Variants in MRI1 observed in about 807,000 individuals in gnomAD.
MRI1 encodes the protein methylthioribose-1-phosphate isomerase.
Under a neutral mutation model 27.3 loss-of-function variants are expected in MRI1, and 32 were observed. The observed-to-expected ratio is 1.17, with a 90% confidence interval of 0.88 to 1.57. The LOEUF is 1.57. MRI1 is among the 40% of genes most tolerant of loss of function. The probability of loss-of-function intolerance (pLI) is 0.00; values close to 1 mark genes in which losing one functional copy is unlikely to be tolerated. For synonymous variants in MRI1, 216 were observed against 227.4 expected (o/e 0.95, Z 0.45); for missense variants, 508 against 516.1 (o/e 0.98, Z 0.15).
intron 1 of MRI1, 38 bp from the exon 2 acceptor site, chr19:13,764,833 C>A (rs1974078892): frequency 7.7e-7 from 1 of 1,291,288 alleles, no homozygotes; most frequent in African/African-American, 1.6e-5. Context: ...AGTGCGCCCG[C>A]GCCTGCAGCT....
chr19:13,767,073 G>T (rs1974153804), intron 3 of MRI1, among the ~76,000 whole-genome samples: 1 of 83,454 alleles, frequency 1.2e-5, no homozygotes, highest in South Asian at 4.0e-4. Context: ...TTTTGAGACA[G>T]AGTCTTGCTC....
Position 13,772,308 on chromosome 19 carries a change from C to T in MRI1, c.*27C>T, listed in dbSNP as rs1974285826. 6.3e-7 allele frequency: 1 copy of T among 1,595,284 alleles called. No homozygotes were observed. Among genetic ancestry groups the T allele is most frequent in the African/African-American group, 1.3e-5 (1 of 74,264 alleles). ...CAACTCAGCTCTCCCTAGCCTGCCT[C>T]TCTAGGTTTTTCAATACATTTCTTG... On this transcript the variant is annotated 3_prime_UTR_variant, in exon 6 of 6. Coordinates refer to ENST00000040663, the MANE Select transcript of MRI1 (RefSeq NM_001031727.4).
rs757207210 is a variant in MRI1, at chr19:13,766,099, C to T, written c.517C>T (p.Leu173=). Residue 173 remains leucine (L), a synonymous_variant, in exon 3 of 6, where the codon CTG becomes TTG. Transcript: ENST00000040663. ...TVLTHCNTGA[L]ATAGYGTALG... ...GCTGACCCACTGTAACACTGGTGCT[C>T]TGGCCACCGCTGGCTATGGTACAGC... 2 of 1,601,898 alleles carry T rather than the reference C, an allele frequency of 1.2e-6. No individual in the cohort carries two copies. Among genetic ancestry groups the T allele is most frequent in the Admixed American group, 1.7e-5 (1 of 58,880 alleles).
rs1599559296 is a variant in MRI1, at chr19:13,772,364, C to G, written c.*83C>G. ...CTACCCAAAAGCTGACCGTCCAGCC[C>G]CTGACCACACTTGTTCCTAGTGCAG... On this transcript the variant is annotated 3_prime_UTR_variant, in exon 6 of 6. Coordinates refer to ENST00000040663, the MANE Select transcript of MRI1 (RefSeq NM_001031727.4). The G allele has an allele frequency of 1.5e-6, 2 of 1,367,706 alleles. No homozygotes were observed. Among genetic ancestry groups the G allele is most frequent in the Admixed American group, 4.3e-5 (2 of 46,392 alleles). The allele number at this position is 1,367,706 out of a possible 1,614,324, so 84.7% of individuals were successfully genotyped here.
chr19:13,766,437 T>C (rs553851197), intron 3 of MRI1, among the ~76,000 whole-genome samples: 2 of 152,256 alleles, frequency 1.3e-5, no homozygotes, highest in South Asian at 4.1e-4. Flanking sequence ...AAAAGTCTCC[T>C]TGTATCTCAG....
At chr19:13,769,953 T>C (rs765619437) in intron 5 of MRI1, among the ~76,000 whole-genome samples, 2 of 151,918 alleles carry the variant, frequency 1.3e-5, no homozygotes, top group African/African-American at 4.8e-5. Flanking sequence ...GCAAGATATT[T>C]CTACACTTAT....
rs1017157958 is a variant in MRI1 at position 13,772,900 on chromosome 19, C to T, written c.*619C>T. ...AAATGTGGATAATACTAGTACCTCCCTCTTAAGGTCAGGGCTGGAGCTAGG... is the reference window on the plus strand; with the variant it reads ...AAATGTGGATAATACTAGTACCTCCTTCTTAAGGTCAGGGCTGGAGCTAGG... On this transcript the variant is annotated 3_prime_UTR_variant, in exon 6 of 6. Coordinates refer to ENST00000040663, the MANE Select transcript of MRI1 (RefSeq NM_001031727.4). 3 of 151,876 alleles carry T rather than the reference C, an allele frequency of 2.0e-5. No individual in the cohort carries two copies. The highest frequency in any genetic ancestry group is 2.4e-5 in the African/African-American group (1 of 41,400). The allele number at this position is 151,876 out of a possible 1,614,324, so 9.4% of individuals were successfully genotyped here.
rs369117127 is a variant in MRI1, at chr19:13,765,054, G to C, written c.316G>C (p.Val106Leu). 4.6e-6 allele frequency: 7 copies of C among 1,523,272 alleles called. No homozygotes were observed. In the African/African-American group the frequency reaches 8.4e-5, roughly 18 times the overall value. 94.4% of individuals were successfully genotyped at this position (1,523,272 alleles called of 1,614,324 possible). ...CCGCGCCGCCCGCGACCTGGCTGAT[G>C]TTGCAGCCCGGGAGGCCGAACGGGA... ...MARAARDLAD[V>L]AAREAEREGA... The change falls in exon 2 of 6, where the codon GTT becomes CTT. Residue 106 changes from valine (V) to leucine (L), a missense_variant. Coordinates refer to ENST00000040663, the MANE Select transcript of MRI1 (RefSeq NM_001031727.4).
chr19:13,773,355 T>G lies in MRI1; in HGVS notation c.*1074T>G, dbSNP rs1974310932. ...TCAAAATTAATGCAAAAATCCATGATGAGGCCAGGCTTGGTGGCTCATGCC... is the reference window on the plus strand; with the variant it reads ...TCAAAATTAATGCAAAAATCCATGAGGAGGCCAGGCTTGGTGGCTCATGCC... On this transcript the variant is annotated 3_prime_UTR_variant, in exon 6 of 6. Coordinates refer to ENST00000040663, the MANE Select transcript of MRI1 (RefSeq NM_001031727.4). The G allele has an allele frequency of 6.6e-6, 1 of 151,306 alleles. No individual in the cohort carries two copies. The highest frequency in any genetic ancestry group is 1.5e-5 in the Non-Finnish European group (1 of 67,742). The allele number at this position is 151,306 out of a possible 1,614,324, so 9.4% of individuals were successfully genotyped here. A position where few individuals can be genotyped will look rare whatever the true frequency, so the allele number is the denominator to read the frequency against.
At chr19:13,771,156 G>A (rs960443502) in intron 5 of MRI1, among the ~76,000 whole-genome samples, 11 of 150,566 alleles carry the variant, frequency 7.3e-5, no homozygotes, top group South Asian at 2.1e-4. Flanking sequence ...TCAGGGGTTC[G>A]AGACCAGCCT....
At chr19:13,771,883 T>C (rs1229172161) in intron 5 of MRI1, among the ~76,000 whole-genome samples, 1 of 152,078 alleles carries the variant, frequency 6.6e-6, no homozygotes, top group East Asian at 1.9e-4. Flanking sequence ...ATAAGTGGCA[T>C]AGATGTGTAT....
chr19:13,767,914 G>C (rs1974176688), intron 3 of MRI1, among the ~76,000 whole-genome samples: 2 of 127,652 alleles, frequency 1.6e-5, no homozygotes, highest in African/African-American at 6.3e-5. Flanking sequence ...TGTTGCCCAG[G>C]CTGGAGTGCA....
At position 13,764,724 on chromosome 19, in the gene MRI1, C is replaced by G. The variant is rs1356163286; in HGVS notation, c.132+4C>G. 8.5e-7 allele frequency: 1 copy of G among 1,176,326 alleles called. No individual in the cohort carries two copies. The allele number at this position is 1,176,326 out of a possible 1,614,324, so 72.9% of individuals were successfully genotyped here. A position where few individuals can be genotyped will look rare whatever the true frequency, so the allele number is the denominator to read the frequency against. ...GGAGGCCATCCGCGCCATGAAGGTG[C>G]AGCGGGGCGGCGGGGCGGCGGGGCG... On this transcript the variant is annotated splice_donor_region_variant and intron_variant, in intron 1 of 5. Coordinates refer to ENST00000040663, the MANE Select transcript of MRI1 (RefSeq NM_001031727.4).
At position 13,773,198 on chromosome 19, in the gene MRI1, A is replaced by G. The variant is rs1162734961; in HGVS notation, c.*917A>G. 6.6e-6 allele frequency: 1 copy of G among 152,044 alleles called. No individual in the cohort carries two copies. The highest frequency in any genetic ancestry group is 1.5e-5 in the Non-Finnish European group (1 of 68,028). 9.4% of individuals were successfully genotyped at this position (152,044 alleles called of 1,614,324 possible). On this transcript the variant is annotated 3_prime_UTR_variant, in exon 6 of 6. Coordinates refer to ENST00000040663, the MANE Select transcript of MRI1 (RefSeq NM_001031727.4). Reference sequence around the variant, plus strand: ...TAATTTTTCTATTTTTAGTAGAGACATGATTTCACCATGTTGGCCAGGCTG... The same window carrying G: ...TAATTTTTCTATTTTTAGTAGAGACGTGATTTCACCATGTTGGCCAGGCTG...
chr19:13,765,477 C>T (rs981203303), intron 2 of MRI1, among the ~76,000 whole-genome samples: 1 of 152,062 alleles, frequency 6.6e-6, no homozygotes. Flanking sequence ...CCATCTTTTT[C>T]CCCCCACTTC....
intron 3 of MRI1, among the ~76,000 whole-genome samples, chr19:13,767,497 C>T (rs1406549359): frequency 6.6e-6 from 1 of 151,982 alleles, no homozygotes; most frequent in Non-Finnish European, 1.5e-5. Context: ...CTCAGAAGTT[C>T]TAGACCAGCC....
Position 13,764,922 on chromosome 19 carries a change from G to T in MRI1, c.184G>T (p.Glu62Ter). ...ALVGCLSLAVELQAGAGGPGL... is the reference protein window; with the variant it reads ...ALVGCLSLAV ...GGTGGGCTGTCTCAGCCTCGCCGTGGAGCTGCAGGCGGGCGCCGGGGGACC... is the reference window on the plus strand; with the variant it reads ...GGTGGGCTGTCTCAGCCTCGCCGTGTAGCTGCAGGCGGGCGCCGGGGGACC... The change falls in exon 2 of 6, where the codon GAG becomes TAG. Residue 62 changes from glutamate to a stop codon, truncating the protein, a stop_gained. Coordinates refer to ENST00000040663, the MANE Select transcript of MRI1 (RefSeq NM_001031727.4). LOFTEE classifies it high-confidence loss of function. 1 of 1,490,500 alleles carries T rather than the reference G, an allele frequency of 6.7e-7. No homozygotes were observed. The highest frequency in any genetic ancestry group is 1.4e-5 in the African/African-American group (1 of 69,130). The allele number at this position is 1,490,500 out of a possible 1,614,324, so 92.3% of individuals were successfully genotyped here.
chr19:13,772,116 T>TG lies in MRI1; in HGVS notation c.950-4dup, dbSNP rs1170201155. 1 of 1,610,894 alleles carries TG rather than the reference T, an allele frequency of 6.2e-7. No individual in the cohort carries two copies. Among genetic ancestry groups the TG allele is most frequent in the East Asian group, 2.2e-5 (1 of 44,684 alleles). On this transcript the variant is annotated splice_polypyrimidine_tract_variant and splice_region_variant and intron_variant, in intron 5 of 5. Coordinates refer to ENST00000040663, the MANE Select transcript of MRI1 (RefSeq NM_001031727.4). Reference sequence around the variant, plus strand: ...GCCTCCTTGCCTCCCCTCTCTCCCCTGCAGGGATTGGAGTTTGGAATCCTG... The same window carrying TG: ...GCCTCCTTGCCTCCCCTCTCTCCCCTGGCAGGGATTGGAGTTTGGAATCCTG...
intron 5 of MRI1, among the ~76,000 whole-genome samples, chr19:13,770,563 G>A (rs940797707): frequency 1.3e-5 from 2 of 151,144 alleles, no homozygotes; most frequent in African/African-American, 4.9e-5. Context: ...CTCCAGTCTG[G>A]GTGACAGAGC....
Sources: allele counts gnomAD v4.1 joint callset (sites outside exome capture counted in the v4.1 genomes callset), GRCh38; gene constraint gnomAD v4.1.1; transcripts MANE v1.5; gene names NCBI Gene and HGNC (gene_info 2026-07-23, HGNC 2026-07-21).